Variants in SCPPPQ1 observed in about 807,000 individuals in gnomAD.
SCPPPQ1 encodes secretory calcium-binding phosphoprotein proline- and glutamine-rich 1.
chr4:87,463,013 A>G, the SCPPPQ1 span, among the ~76,000 whole-genome samples: 14 of 147,212 alleles, frequency 9.5e-5, no homozygotes, highest in Admixed American at 2.0e-4. Flanking sequence ...AAAAAAAAAA[A>G]GCCTGAAGCA....
the SCPPPQ1 span, among the ~76,000 whole-genome samples, chr4:87,462,984 G>A: frequency 5.9e-4 from 71 of 119,572 alleles, no homozygotes; most frequent in African/African-American, 2.3e-3. Flanking sequence ...GGGTGACAGA[G>A]CAAGACTCCT....
the SCPPPQ1 span, among the ~76,000 whole-genome samples, chr4:87,462,769 G>A: frequency 2.0e-5 from 3 of 152,080 alleles, no homozygotes; most frequent in African/African-American, 7.2e-5. Flanking sequence ...AGGCTGAAGC[G>A]GGTGGATCTC....
the SCPPPQ1 span, among the ~76,000 whole-genome samples, chr4:87,462,922 T>TG: frequency 1.4e-5 from 2 of 147,324 alleles, no homozygotes; most frequent in Non-Finnish European, 3.0e-5. Context: ...CGCTTGAGCC[T>TG]GGGGGGGCAG....
the SCPPPQ1 span, among the ~76,000 whole-genome samples, chr4:87,462,921 CT>C: frequency 3.6e-3 from 545 of 149,994 alleles, 3 homozygotes; most frequent in Middle Eastern, 0.017. Context: ...TCGCTTGAGC[CT>C]GGGGGGGCAG....
At chr4:87,466,413 A>G in the SCPPPQ1 span, among the ~76,000 whole-genome samples, 2 of 152,220 alleles carry the variant, frequency 1.3e-5, no homozygotes, top group Admixed American at 6.5e-5. Flanking sequence ...TTAGCAAACA[A>G]TAGGGAAACA....
At chr4:87,466,129 T>C in the SCPPPQ1 span, among the ~76,000 whole-genome samples, 2 of 152,200 alleles carry the variant, frequency 1.3e-5, no homozygotes, top group Non-Finnish European at 2.9e-5. Flanking sequence ...CGCTCATGCC[T>C]GTAATCCTAG....
the SCPPPQ1 span, among the ~76,000 whole-genome samples, chr4:87,466,302 G>A: frequency 0.28 from 42,274 of 151,782 alleles, 7,216 homozygotes; most frequent in East Asian, 0.44. Context: ...CCTGGGAGGC[G>A]GAGGTTGCAG....
chr4:87,463,333 C>A, the SCPPPQ1 span, among the ~76,000 whole-genome samples: 1,575 of 145,720 alleles, frequency 0.011, 8 homozygotes, highest in African/African-American at 0.021. Context: ...AAAAAAACAA[C>A]AAAAAAAAAT....
the SCPPPQ1 span, among the ~76,000 whole-genome samples, chr4:87,469,374 A>T: frequency 6.6e-6 from 1 of 152,182 alleles, no homozygotes; most frequent in Non-Finnish European, 1.5e-5. Context: ...ACCATGGGTT[A>T]GTTCAAAGTC....
chr4:87,470,010 G>A, the SCPPPQ1 span, among the ~76,000 whole-genome samples: 1 of 144,334 alleles, frequency 6.9e-6, no homozygotes, highest in African/African-American at 2.6e-5. Flanking sequence ...CTGGAGTGCA[G>A]TGGCACAATC....
chr4:87,469,947 CTTTTT>C, the SCPPPQ1 span, among the ~76,000 whole-genome samples: 2 of 114,966 alleles, frequency 1.7e-5, no homozygotes, highest in African/African-American at 3.1e-5. Context: ...ACACACAAAT[CTTTTT>C]TTTTTTTTTT....
chr4:87,462,996 A>C, the SCPPPQ1 span, among the ~76,000 whole-genome samples: 3 of 41,880 alleles, frequency 7.2e-5, no homozygotes, highest in Non-Finnish European at 1.2e-4. Flanking sequence ...AAGACTCCTC[A>C]AAAAAAAAAA....
chr4:87,463,734 G>C, the SCPPPQ1 span, among the ~76,000 whole-genome samples: 6 of 152,260 alleles, frequency 3.9e-5, no homozygotes, highest in East Asian at 1.2e-3. Flanking sequence ...GAAACCCTCT[G>C]TGTACACTTC....
the SCPPPQ1 span, among the ~76,000 whole-genome samples, chr4:87,462,567 T>G: frequency 6.6e-6 from 1 of 152,212 alleles, no homozygotes; most frequent in Admixed American, 6.5e-5. Context: ...AGTCAAAGTT[T>G]GTAGCCTTTG....
chr4:87,461,323 G>A, the SCPPPQ1 span, among the ~76,000 whole-genome samples: 101,796 of 152,096 alleles, frequency 0.67, 34,719 homozygotes, highest in African/African-American at 0.8. Flanking sequence ...TATTCTGTCT[G>A]TTGTATTCCC....
At chr4:87,466,793 A>G in the SCPPPQ1 span, among the ~76,000 whole-genome samples, 1 of 152,062 alleles carries the variant, frequency 6.6e-6, no homozygotes, top group Non-Finnish European at 1.5e-5. Flanking sequence ...AGCCTGTGGG[A>G]GGTGGGAGGA....
the SCPPPQ1 span, among the ~76,000 whole-genome samples, chr4:87,463,574 ATTGC>A: frequency 2.6e-5 from 4 of 151,764 alleles, no homozygotes; most frequent in Non-Finnish European, 5.9e-5. Flanking sequence ...ATTCCATTTT[ATTGC>A]TTAGTATATT....
chr4:87,470,702 T>G, the SCPPPQ1 span, among the ~76,000 whole-genome samples: 1 of 152,228 alleles, frequency 6.6e-6, no homozygotes, highest in Non-Finnish European at 1.5e-5. Flanking sequence ...CATGTTATTA[T>G]TAAGACTTAT....
At chr4:87,461,289 C>G in the SCPPPQ1 span, among the ~76,000 whole-genome samples, 4 of 152,166 alleles carry the variant, frequency 2.6e-5, no homozygotes, top group African/African-American at 4.8e-5. Flanking sequence ...GGATTTGAAT[C>G]ATGGTCTGAC....
Sources: allele counts gnomAD v4.1 joint callset (sites outside exome capture counted in the v4.1 genomes callset), GRCh38; gene constraint gnomAD v4.1.1; transcripts MANE v1.5; gene names NCBI Gene and HGNC (gene_info 2026-07-23, HGNC 2026-07-21).